MLIP: variants seen among roughly 807,000 people sequenced by gnomAD.
The protein encoded by MLIP is muscular LMNA-interacting protein.
A neutral mutation model predicts 84.8 loss-of-function variants in MLIP; 79 were observed. That is an observed-to-expected ratio of 0.93 (90% confidence interval 0.78 to 1.12). The LOEUF is 1.12. Ranked by LOEUF, MLIP falls within the 50% of genes most tolerant of loss-of-function variation. The probability of loss-of-function intolerance (pLI) is 0.00; values close to 1 mark genes in which losing one functional copy is unlikely to be tolerated. For missense variants in MLIP, 1,257 were observed against 1,160.6 expected (o/e 1.08, Z -1.21); for synonymous variants, 504 against 463.0 (o/e 1.09, Z -1.14).
At chr6:54,264,333 AC>A (rs1783567031) in intron 13 of MLIP, among the ~76,000 whole-genome samples, 1 of 152,088 alleles carries the variant, frequency 6.6e-6, no homozygotes, top group Admixed American at 6.6e-5. Flanking sequence ...AACAGAGTTC[AC>A]CATTTCAGAA....
intron 10 of MLIP, among the ~76,000 whole-genome samples, chr6:54,194,450 G>A (rs1353947497): frequency 1.3e-5 from 2 of 152,006 alleles, no homozygotes; most frequent in South Asian, 2.1e-4. Flanking sequence ...AATCTGTATT[G>A]TGTATATTTC....
chr6:54,169,403 AT>A (rs1775538165), intron 8 of MLIP, 124 bp from the exon 9 acceptor site: 1 of 462,282 alleles, frequency 2.2e-6, no homozygotes, highest in Non-Finnish European at 3.8e-6. Flanking sequence ...AAAAAATGAT[AT>A]TGTATAGAGA....
At chr6:54,175,500 G>T (rs1776193038) in intron 9 of MLIP, among the ~76,000 whole-genome samples, 1 of 151,750 alleles carries the variant, frequency 6.6e-6, no homozygotes, top group East Asian at 1.9e-4. Context: ...GCTTTTACTT[G>T]TGGCTATTAA....
At chr6:54,240,539 A>G (rs1021511927) in intron 12 of MLIP, among the ~76,000 whole-genome samples, 1 of 152,146 alleles carries the variant, frequency 6.6e-6, no homozygotes, top group Non-Finnish European at 1.5e-5. Flanking sequence ...CGTAAATGTT[A>G]TTGTGCCACA....
intron 1 of MLIP, among the ~76,000 whole-genome samples, chr6:54,114,688 C>T (rs1467008377): frequency 6.6e-6 from 1 of 152,138 alleles, no homozygotes; most frequent in African/African-American, 2.4e-5. Flanking sequence ...TATTTGTCTA[C>T]TGTCTGTTTC....
intron 11 of MLIP, among the ~76,000 whole-genome samples, chr6:54,221,082 T>C (rs1409771647): frequency 6.6e-6 from 1 of 152,134 alleles, no homozygotes; most frequent in Non-Finnish European, 1.5e-5. Context: ...GAAATGCTCG[T>C]TTTTGAGAAA....
rs540470195 is a variant in MLIP at position 54,196,923 on chromosome 6, A to T, written c.2590-5182A>T. ...CTATTTTATATGGCTCATTAAAAAG[A>T]TCTGTCTGATAAGGTGATGTTTAAA... On this transcript the variant is annotated intron_variant, in intron 10 of 13. Coordinates refer to ENST00000502396, the MANE Select transcript of MLIP (RefSeq NM_001281747.2). Among the ~76,000 whole-genome samples, 5 of 152,282 alleles carry T rather than the reference A, an allele frequency of 3.3e-5. No homozygotes were observed. The East Asian group carries it at 9.6e-4, about 29-fold the overall frequency.
At chr6:54,197,445 T>G (rs1778378675) in intron 10 of MLIP, among the ~76,000 whole-genome samples, 1 of 152,084 alleles carries the variant, frequency 6.6e-6, no homozygotes, top group Admixed American at 6.6e-5. Flanking sequence ...AGTGAACATC[T>G]GGTAGAGGTG....
intron 1 of MLIP, among the ~76,000 whole-genome samples, chr6:54,036,358 A>G (rs998541630): frequency 2.0e-5 from 3 of 151,916 alleles, no homozygotes; most frequent in African/African-American, 4.8e-5. Flanking sequence ...ACAGACAAAT[A>G]GAGAGCCAAA....
chr6:54,091,331 A>G (rs902384316), intron 1 of MLIP, among the ~76,000 whole-genome samples: 2 of 152,218 alleles, frequency 1.3e-5, no homozygotes, highest in African/African-American at 4.8e-5. Flanking sequence ...AAATTTCTAC[A>G]GCCACTTAAT....
At chr6:54,204,616 G>A (rs1052383579) in intron 11 of MLIP, among the ~76,000 whole-genome samples, 3 of 152,180 alleles carry the variant, frequency 2.0e-5, no homozygotes, top group African/African-American at 7.2e-5. Context: ...AGAGTATTGA[G>A]TTAATCTACC....
chr6:54,127,963 A>G (rs796901070), intron 3 of MLIP, among the ~76,000 whole-genome samples: 2 of 152,202 alleles, frequency 1.3e-5, no homozygotes, highest in East Asian at 1.9e-4. Flanking sequence ...CACATACAAC[A>G]CAGTGATTCG....
intron 4 of MLIP, among the ~76,000 whole-genome samples, chr6:54,146,878 T>A (rs1772895210): frequency 6.6e-6 from 1 of 152,188 alleles, no homozygotes; most frequent in Non-Finnish European, 1.5e-5. Flanking sequence ...GTTGTTGGGA[T>A]AAAGTGCCTG....
At chr6:54,116,181 G>GA (rs1769903608) in intron 1 of MLIP, among the ~76,000 whole-genome samples, 1 of 152,118 alleles carries the variant, frequency 6.6e-6, no homozygotes, top group Non-Finnish European at 1.5e-5. Flanking sequence ...ATAAAAGGGT[G>GA]GCAGGGATTG....
At chr6:54,183,306 A>G (rs1251885641) in intron 9 of MLIP, among the ~76,000 whole-genome samples, 2 of 152,226 alleles carry the variant, frequency 1.3e-5, no homozygotes, top group Non-Finnish European at 2.9e-5. Context: ...TTTTAGGAAG[A>G]ACTGGCAACA....
At chr6:54,099,694 GGT>G (rs1211225546) in intron 1 of MLIP, 1 of 152,020 alleles carries the variant, frequency 6.6e-6, no homozygotes, top group African/African-American at 2.4e-5. Context: ...ATCACAGAGA[GGT>G]TTTTAAATAA....
chr6:54,153,086 G>A (rs1418741432), intron 5 of MLIP, among the ~76,000 whole-genome samples: 2 of 152,086 alleles, frequency 1.3e-5, no homozygotes, highest in Non-Finnish European at 2.9e-5. Context: ...CGATACATTT[G>A]ATTCATAAGA....
At chr6:54,022,410 T>C (rs2150262271) in intron 1 of MLIP, among the ~76,000 whole-genome samples, 1 of 152,338 alleles carries the variant, frequency 6.6e-6, no homozygotes, top group East Asian at 1.9e-4. Context: ...CCTGTTAGCA[T>C]ATGAATTTGT....
At chr6:54,160,891 G>T in intron 8 of MLIP, 92 bp downstream of exon 8, 1 of 1,044,700 alleles carries the variant, frequency 9.6e-7, no homozygotes, top group Non-Finnish European at 1.4e-6. Context: ...AGTGAATTGA[G>T]AAATAAATTT....
Sources: allele counts gnomAD v4.1 joint callset (sites outside exome capture counted in the v4.1 genomes callset), GRCh38; gene constraint gnomAD v4.1.1; transcripts MANE v1.5; gene names NCBI Gene and HGNC (gene_info 2026-07-23, HGNC 2026-07-21).